Variants in PIEZO2 observed in about 807,000 individuals in gnomAD.
The protein encoded by PIEZO2 is piezo-type mechanosensitive ion channel component 2.
A neutral mutation model predicts 337.3 loss-of-function variants in PIEZO2; 172 were observed. The ratio of observed to expected loss-of-function variants is 0.51; its 90% confidence interval spans 0.45 to 0.58. The LOEUF is 0.58. Ranked by LOEUF, PIEZO2 falls within the 20% of genes least tolerant of loss-of-function variation. The pLI is 0.00. For missense variants in PIEZO2, 3,028 were observed against 3,391.3 expected, an observed-to-expected ratio of 0.89 and a Z score of 2.66; for synonymous variants, 1,251 against 1,228.5, an observed-to-expected ratio of 1.02 and a Z score of -0.38.
At chr18:11,142,338 A>G (rs1430057796) in intron 1 of PIEZO2, among the ~76,000 whole-genome samples, 2 of 152,248 alleles carry the variant, frequency 1.3e-5, no homozygotes, top group Non-Finnish European at 2.9e-5. Context: ...TTATGAAATT[A>G]TTAGACACTG....
intron 5 of PIEZO2, among the ~76,000 whole-genome samples, chr18:10,860,467 C>G (rs2041843483): frequency 6.6e-6 from 1 of 152,164 alleles, no homozygotes; most frequent in African/African-American, 2.4e-5. Flanking sequence ...TTCCATTCAG[C>G]TTACTCCATC....
chr18:11,034,222 G>A (rs1051844056), intron 2 of PIEZO2, among the ~76,000 whole-genome samples: 1 of 151,876 alleles, frequency 6.6e-6, no homozygotes, highest in South Asian at 2.1e-4. Context: ...CAGAAGCAAC[G>A]TTATTTTCTC....
chr18:10,769,281 A>G (rs1181337407), intron 21 of PIEZO2, among the ~76,000 whole-genome samples: 1 of 152,282 alleles, frequency 6.6e-6, no homozygotes, highest in African/African-American at 2.4e-5. Context: ...TCGCAGATAG[A>G]ATGGCTTCTG....
intron 4 of PIEZO2, among the ~76,000 whole-genome samples, chr18:10,886,323 C>CATAT (rs58335722): frequency 2.3e-4 from 6 of 26,376 alleles, no homozygotes; most frequent in Non-Finnish European, 2.9e-4. Context: ...CCTATACATA[C>CATAT]ATATATATAT....
At chr18:11,018,191 ATGGTGG>A (rs759749235) in intron 2 of PIEZO2, among the ~76,000 whole-genome samples, 6 of 143,120 alleles carry the variant, frequency 4.2e-5, no homozygotes, top group African/African-American at 7.6e-5. Flanking sequence ...CAGTCATCGC[ATGGTGG>A]TGGTGGTGGT....
rs761044237 is a variant in PIEZO2 at position 10,828,223 on chromosome 18, G to A, written c.918-20949C>T. Among the ~76,000 whole-genome samples, 7 of 151,686 alleles carry A rather than the reference G, an allele frequency of 4.6e-5. No individual in the cohort carries two copies. Among genetic ancestry groups the A allele is most frequent in the Non-Finnish European group, 1.0e-4 (7 of 67,950 alleles). On this transcript the variant is annotated intron_variant, in intron 7 of 55. Coordinates refer to ENST00000674853, the MANE Select transcript of PIEZO2 (RefSeq NM_001378183.1). This position sits in a 1 kb window ranked among gnomAD's most constrained non-coding sequence, Gnocchi z 4.1. ...CTTCAAAGTTCAACAGTTTGAGACAGGATGTTGAAGTACTATTTGATAGAA... is the reference window on the plus strand; with the variant it reads ...CTTCAAAGTTCAACAGTTTGAGACAAGATGTTGAAGTACTATTTGATAGAA...
In PIEZO2 at chr18:10,677,846, A is replaced by G. The variant is rs145385589; in HGVS notation, c.7982T>C (p.Ile2661Thr). The stretch of plus-strand genomic sequence containing the variant: ...AGGAAAAGAAAGCTTATCTGTTGCT[A>G]TTTCCGATTTTGCACCCAGACTTAA... The part of the protein sequence containing the change: ...RNLSLGAKSE[I>T]ATDKLSFPLK... Residue 2661 changes from isoleucine (I) to threonine (T), a missense_variant, in exon 53 of 56, where the codon ATA becomes ACA. By Grantham distance (89) the Ile-to-Thr change is moderately conservative. Coordinates refer to ENST00000674853, the MANE Select transcript of PIEZO2 (RefSeq NM_001378183.1). The surrounding 1 kb of genome is among the most constrained non-coding windows in gnomAD (Gnocchi z 4.1). 5.0e-6 allele frequency: 8 copies of G among 1,600,244 alleles called. No individual in the cohort carries two copies. In the South Asian group the frequency reaches 8.0e-5, roughly 16 times the overall value.
Position 11,104,289 on chromosome 18 carries a change from G to A in PIEZO2, c.65-38067C>T, listed in dbSNP as rs1254273073. ...GGTGGCAGTGTGGGGAGAATATCGT[G>A]AGGAAGAATCCTATGCAGAAAGCTA... On this transcript the variant is annotated intron_variant, in intron 1 of 55. Coordinates refer to ENST00000674853, the MANE Select transcript of PIEZO2 (RefSeq NM_001378183.1). The surrounding 1 kb of genome is among the most constrained non-coding windows in gnomAD (Gnocchi z 4.6). Among the ~76,000 whole-genome samples, 1 of 152,184 alleles carries A rather than the reference G, an allele frequency of 6.6e-6. No homozygotes were observed. The highest frequency in any genetic ancestry group is 1.5e-5 in the Non-Finnish European group (1 of 68,032).
At chr18:11,050,082 G>A (rs1248542169) in intron 2 of PIEZO2, among the ~76,000 whole-genome samples, 1 of 152,076 alleles carries the variant, frequency 6.6e-6, no homozygotes. Context: ...GGCAACAATG[G>A]AATATGACAT....
At chr18:10,887,084 T>TTTG (rs2042628709) in intron 4 of PIEZO2, among the ~76,000 whole-genome samples, 2 of 145,690 alleles carry the variant, frequency 1.4e-5, no homozygotes, top group African/African-American at 5.2e-5. Context: ...TTTTTTTTTT[T>TTTG]TTTGAGACAG....
rs1191278263 is a variant in PIEZO2, at chr18:10,762,995, A to G, written c.3050T>C (p.Val1017Ala). The G allele has an allele frequency of 6.5e-7, 1 of 1,537,278 alleles. No homozygotes were observed. Among genetic ancestry groups the G allele is most frequent in the East Asian group, 2.4e-5 (1 of 40,908 alleles). The change falls in exon 22 of 56, where the codon GTG becomes GCG. Residue 1017 changes from valine (V) to alanine (A), a missense_variant. Val to Ala is a moderately conservative substitution (Grantham distance 64). Transcript: ENST00000674853. ...ASSVCTVWTC[V>A]IIVCKMLYQL... ...GTACAACATTTTGCAGACGATGATC[A>G]CACACGTCCAGACTGTGCAGACACT... is the stretch of plus-strand genomic sequence containing the variant.
chr18:10,915,391 T>C (rs1419203581), intron 3 of PIEZO2, among the ~76,000 whole-genome samples: 3 of 150,782 alleles, frequency 2.0e-5, no homozygotes, highest in South Asian at 4.3e-4. Context: ...CCTATTCTCA[T>C]TTTAAGTCGG....
chr18:10,749,223 AC>A (rs1446160728), intron 29 of PIEZO2, among the ~76,000 whole-genome samples: 2 of 152,112 alleles, frequency 1.3e-5, no homozygotes, highest in African/African-American at 4.8e-5. Flanking sequence ...ACTTTGAGAG[AC>A]TGAGGCAGGA....
intron 7 of PIEZO2, among the ~76,000 whole-genome samples, chr18:10,829,509 A>G (rs1390210716): frequency 6.6e-6 from 1 of 152,178 alleles, no homozygotes; most frequent in Admixed American, 6.5e-5. Context: ...AAAAGTCATA[A>G]TTGTTCTTAT....
rs1206571836 is a variant in PIEZO2, at chr18:10,775,606, A to G, written c.2535-1568T>C. On this transcript the variant is annotated intron_variant, in intron 18 of 55. Coordinates refer to ENST00000674853, the MANE Select transcript of PIEZO2 (RefSeq NM_001378183.1). The surrounding 1 kb of genome is among the most constrained non-coding windows in gnomAD (Gnocchi z 4.3). ...CTCAAAGAGGGGAGGCTGTTTCCAC[A>G]GCTGCTACTACAGCTACACAGCAGA... Among the ~76,000 whole-genome samples, 6 of 152,316 alleles carry G rather than the reference A, an allele frequency of 3.9e-5. No individual in the cohort carries two copies. In the East Asian group the frequency reaches 1.2e-3, roughly 29 times the overall value.
chr18:11,121,891 G>A (rs1400202586), intron 1 of PIEZO2, among the ~76,000 whole-genome samples: 1 of 152,172 alleles, frequency 6.6e-6, no homozygotes. Flanking sequence ...CAATTCTCAT[G>A]TGAATTCTAC....
intron 3 of PIEZO2, among the ~76,000 whole-genome samples, chr18:10,931,713 TGAGAGAGAGA>T (rs10603024): frequency 2.7e-5 from 4 of 147,760 alleles, no homozygotes; most frequent in African/African-American, 7.5e-5. Context: ...TGTGTGTGTG[TGAGAGAGAGA>T]GAGAGAGAGA....
At chr18:10,930,081 G>A (rs138195494) in intron 3 of PIEZO2, among the ~76,000 whole-genome samples, 17 of 152,302 alleles carry the variant, frequency 1.1e-4, no homozygotes, top group Admixed American at 5.2e-4. Flanking sequence ...TCACATGACA[G>A]CAGGCCTTGA....
rs1201489330 is a variant in PIEZO2, at chr18:10,853,101, G to GGTGAGGGAAGAGCACTTCAA, written c.917+2232_917+2251dup. ...GGTACATGACCTTGTAGGAGCATTCGGTGAGGGAAGAGCACTTCAAGTGAG... is the reference window on the plus strand; with the variant it reads ...GGTACATGACCTTGTAGGAGCATTCGGTGAGGGAAGAGCACTTCAAGTGAGGGAAGAGCACTTCAAGTGAG... On this transcript the variant is annotated intron_variant, in intron 7 of 55. Transcript: ENST00000674853. The surrounding 1 kb of genome is among the most constrained non-coding windows in gnomAD (Gnocchi z 4.2). 5.3e-5 allele frequency among the ~76,000 whole-genome samples: 8 copies of GGTGAGGGAAGAGCACTTCAA among 152,130 alleles called. No homozygotes were observed. Among genetic ancestry groups the GGTGAGGGAAGAGCACTTCAA allele is most frequent in the Non-Finnish European group, 8.8e-5 (6 of 68,020 alleles).
Sources: allele counts gnomAD v4.1 joint callset (sites outside exome capture counted in the v4.1 genomes callset), GRCh38; gene constraint gnomAD v4.1.1; non-coding constraint Gnocchi (gnomAD v3.1); transcripts MANE v1.5; gene names NCBI Gene and HGNC (gene_info 2026-07-23, HGNC 2026-07-21).